The following ERCC2 variants were observed in gnomAD, a reference collection of about 807,000 sequenced individuals.
ERCC2 encodes general transcription and DNA repair factor IIH helicase subunit XPD.
Under a neutral mutation model 99.4 loss-of-function variants are expected in ERCC2, and 90 were observed. That is an observed-to-expected ratio of 0.91 (90% CI 0.76 to 1.08). The LOEUF is 1.08. Ranked by LOEUF, ERCC2 falls within the 50% of genes least tolerant of loss-of-function variation. The probability of loss-of-function intolerance (pLI) is 0.00; values close to 1 mark genes in which losing one functional copy is unlikely to be tolerated. For missense variants in ERCC2, 993 were observed against 1,038.1 expected, an observed-to-expected ratio of 0.96 and a Z score of 0.60; for synonymous variants, 497 against 432.4, an observed-to-expected ratio of 1.15 and a Z score of -1.85.
At position 45,370,134 on chromosome 19, in the gene ERCC2, T is replaced by A; in HGVS notation, c.104A>T (p.Lys35Met). ...GGGTCGGGCCCACCGGCCACCCACC[T>A]TGGCGTCCAGCGTGCGTTTGAGCTC... ...MRELKRTLDAKGHGVLEMPSG... is the reference protein window; with the variant it reads ...MRELKRTLDAMGHGVLEMPSG... Residue 35 changes from lysine (K) to methionine (M), a missense_variant and splice_region_variant, in exon 2 of 23, where the codon AAG becomes ATG. Lys to Met is a moderately conservative substitution (Grantham distance 95, BLOSUM62 -1). Around this residue, in one of 3 missense-constraint regions of ERCC2, gnomAD observed 55 missense variants for 45.1 expected, o/e 1.22. Transcript: ENST00000391945. 6.2e-7 allele frequency: 1 copy of A among 1,612,804 alleles called. No individual in the cohort carries two copies. Among genetic ancestry groups the A allele is most frequent in the Non-Finnish European group, 8.5e-7 (1 of 1,179,132 alleles).
At chr19:45,357,573 G>C (rs368521885) in intron 13 of ERCC2, 30 bp from the exon 14 acceptor site, 2 of 1,612,754 alleles carry the variant, frequency 1.2e-6, no homozygotes, top group Non-Finnish European at 1.7e-6. Flanking sequence ...GTGAGGGCCC[G>C]GGGGGCTGGG....
chr19:45,367,620 C>T (rs1007343990), intron 5 of ERCC2, among the ~76,000 whole-genome samples: 6 of 151,036 alleles, frequency 4.0e-5, no homozygotes, highest in Middle Eastern at 3.5e-3. Flanking sequence ...GGAGTTCGAG[C>T]AATTCTCCTG....
intron 4 of ERCC2, 26 bp from the exon 5 acceptor site, chr19:45,368,769 G>A (rs564942549): frequency 2.0e-5 from 32 of 1,586,414 alleles, no homozygotes; most frequent in Non-Finnish European, 2.8e-5. Context: ...GGGGCAGGGG[G>A]AGCTTGTGCT....
chr19:45,354,745 G>A lies in ERCC2; in HGVS notation c.1650C>T (p.Ala550=). 2 of 1,614,014 alleles carry A rather than the reference G, an allele frequency of 1.2e-6. No homozygotes were observed. The highest frequency in any genetic ancestry group is 1.7e-6 in the Non-Finnish European group (2 of 1,179,968). The change falls in exon 17 of 23, where the codon GCC becomes GCT. Residue 550 remains alanine (A), a synonymous_variant. Coordinates refer to ENST00000391945, the MANE Select transcript of ERCC2 (RefSeq NM_000400.4). ...TSYQYMESTV[A]SWYEQGILEN... is the part of the protein sequence containing the mutation. ...CCAGGCGTACCTGCTCATACCAGGA[G>A]GCCACGGTGCTCTCCATGTACTGGT...
chr19:45,352,367 G>T lies in ERCC2; in HGVS notation c.2047-15C>A. ...CGGGCAAACCGCTGTGGGCAGAAGC[G>T]CAGGCCAGGGACAGAAGGTCATTCG... is the stretch of plus-strand genomic sequence containing the variant. On this transcript the variant is annotated splice_polypyrimidine_tract_variant and intron_variant, in intron 21 of 22. Transcript: ENST00000391945. 6.2e-7 allele frequency: 1 copy of T among 1,613,780 alleles called. No individual in the cohort carries two copies. Among genetic ancestry groups the T allele is most frequent in the East Asian group, 2.2e-5 (1 of 44,878 alleles).
rs377634032 is a variant in ERCC2 at position 45,351,372 on chromosome 19, C to T, written c.*257G>A. On this transcript the variant is annotated 3_prime_UTR_variant, in exon 23 of 23. Transcript: ENST00000391945. ...GCCCCCACTAACGTCCAGTGAACTG[C>T]GCTGGCCGCAGCTTCTTGGGAACAG... The T allele has an allele frequency of 1.9e-5, 30 of 1,608,756 alleles. No homozygotes were observed. Among genetic ancestry groups the T allele is most frequent in the African/African-American group, 6.7e-5 (5 of 74,898 alleles).
At position 45,359,178 on chromosome 19, in the gene ERCC2, T is replaced by C. The variant is rs3916839; in HGVS notation, c.1238-1479A>G. On this transcript the variant is annotated intron_variant, in intron 12 of 22. Coordinates refer to ENST00000391945, the MANE Select transcript of ERCC2 (RefSeq NM_000400.4). ...GGCTTCCTGGAGGACAAGACATCTC[T>C]ACTAAGCTGAGAACCTAAGGATGAG... Among the ~76,000 whole-genome samples, 4,139 of 151,512 alleles carry C rather than the reference T, an allele frequency of 0.027. 66 individuals are homozygous for C. The highest frequency in any genetic ancestry group is 0.045 in the Non-Finnish European group (3,071 of 67,882).
chr19:45,352,473 G>A, intron 21 of ERCC2, 33 bp downstream of exon 21: 2 of 1,614,126 alleles, frequency 1.2e-6, no homozygotes, highest in East Asian at 2.2e-5. Flanking sequence ...TGGAGCCTGG[G>A]ATGGGAGCAC....
chr19:45,369,603 C>G (rs1363810779), intron 2 of ERCC2, among the ~76,000 whole-genome samples: 1 of 152,164 alleles, frequency 6.6e-6, no homozygotes, highest in African/African-American at 2.4e-5. Context: ...TAAAACCTTC[C>G]TCATAACATG....
chr19:45,361,851 CAG>C, intron 11 of ERCC2: 1 of 592,640 alleles, frequency 1.7e-6, no homozygotes, highest in Non-Finnish European at 3.2e-6. Context: ...ATGGCACAGA[CAG>C]AGCAATAATC....
intron 16 of ERCC2, 59 bp downstream of exon 16, chr19:45,355,606 C>T (rs2123241561): frequency 1.4e-6 from 2 of 1,432,464 alleles, no homozygotes; most frequent in Non-Finnish European, 9.9e-7. Context: ...ACTCAGCCCA[C>T]CTGACTGATA....
chr19:45,351,377 G>A lies in ERCC2; in HGVS notation c.*252C>T. 1 of 1,608,212 alleles carries A rather than the reference G, an allele frequency of 6.2e-7. No homozygotes were observed. Reference sequence around the variant, plus strand: ...CACTAACGTCCAGTGAACTGCGCTGGCCGCAGCTTCTTGGGAACAGTGCAG... The same window carrying A: ...CACTAACGTCCAGTGAACTGCGCTGACCGCAGCTTCTTGGGAACAGTGCAG... On this transcript the variant is annotated 3_prime_UTR_variant, in exon 23 of 23. Transcript: ENST00000391945.
At chr19:45,359,384 A>G (rs1972129742) in intron 12 of ERCC2, among the ~76,000 whole-genome samples, 2 of 152,178 alleles carry the variant, frequency 1.3e-5, no homozygotes, top group Admixed American at 1.3e-4. Flanking sequence ...GCCCCAGGGC[A>G]AGGGCCCAGA....
intron 17 of ERCC2, 29 bp from the exon 18 acceptor site, chr19:45,353,363 G>A (rs1459100467): frequency 6.5e-7 from 1 of 1,541,196 alleles, no homozygotes; most frequent in Non-Finnish European, 8.9e-7. Context: ...AGGTCAGGGT[G>A]GGTTCAGGGC....
At position 45,350,393 on chromosome 19, in the gene ERCC2, A is replaced by C; in HGVS notation, c.*1236T>G. On this transcript the variant is annotated 3_prime_UTR_variant, in exon 23 of 23. Coordinates refer to ENST00000391945, the MANE Select transcript of ERCC2 (RefSeq NM_000400.4). ...TATCAACAAGCGGAAGAGCTGTACAAAGAAATCCTCCACAAGGAGGACCTA... is the reference window on the plus strand; with the variant it reads ...TATCAACAAGCGGAAGAGCTGTACACAGAAATCCTCCACAAGGAGGACCTA... 6.2e-7 allele frequency: 1 copy of C among 1,613,916 alleles called. No homozygotes were observed. Among genetic ancestry groups the C allele is most frequent in the Non-Finnish European group, 8.5e-7 (1 of 1,179,972 alleles).
rs1380605362 is a variant in ERCC2 at position 45,352,276 on chromosome 19, A to C, written c.2123T>G (p.Leu708Arg). Residue 708 changes from leucine to arginine, a missense_variant, in exon 22 of 23, where the codon CTG (leucine) becomes CGG (arginine). Physicochemically the swap from Leu to Arg is moderately radical, Grantham distance 102. Transcript: ENST00000391945. ...QEHLTDANLN[L>R]TVDEGVQVAK... ...CACCTGGACACCCTCGTCCACGGTC[A>C]GGTTGAGGTTGGCATCTGTGAGGTG... 6.2e-7 allele frequency: 1 copy of C among 1,613,956 alleles called. No homozygotes were observed. Among genetic ancestry groups the C allele is most frequent in the African/African-American group, 1.3e-5 (1 of 74,920 alleles).
rs1799730 is a variant in ERCC2, at chr19:45,351,804, C to A, written c.2191-83G>T. On this transcript the variant is annotated intron_variant, in intron 22 of 22. Transcript: ENST00000391945. ...TGCTGCACTTCCCCAACCACCCCCC[C>A]GAATGGCCAGTAGGGACAGGATGTT... 12 of 1,203,448 alleles carry A rather than the reference C, an allele frequency of 1.0e-5. No homozygotes were observed. In the Admixed American group the frequency reaches 1.7e-4, roughly 17 times the overall value. 74.5% of individuals were successfully genotyped at this position (1,203,448 alleles called of 1,614,324 possible). A position where few individuals can be genotyped will look rare whatever the true frequency, so the allele number is the denominator to read the frequency against.
At position 45,364,787 on chromosome 19, in the gene ERCC2, C is replaced by CA. The variant is rs769230302; in HGVS notation, c.594+50dup. Reference sequence around the variant, plus strand: ...CATGGGCAGACAGGAGACGGGCGGGCAGCCCACACCCTCACACTCGCCCCT... The same window carrying CA: ...CATGGGCAGACAGGAGACGGGCGGGCAAGCCCACACCCTCACACTCGCCCCT... On this transcript the variant is annotated intron_variant, in intron 7 of 22. Coordinates refer to ENST00000391945, the MANE Select transcript of ERCC2 (RefSeq NM_000400.4). The CA allele has an allele frequency of 2.8e-6, 4 of 1,436,336 alleles. No homozygotes were observed. The East Asian group carries it at 9.1e-5, about 33-fold the overall frequency. 89.0% of individuals were successfully genotyped at this position (1,436,336 alleles called of 1,614,324 possible). A position where few individuals can be genotyped will look rare whatever the true frequency, so the allele number is the denominator to read the frequency against.
At position 45,352,827 on chromosome 19, in the gene ERCC2, G is replaced by A; in HGVS notation, c.1832-11C>T. 1.9e-6 allele frequency: 3 copies of A among 1,613,472 alleles called. No individual in the cohort carries two copies. The highest frequency in any genetic ancestry group is 1.1e-5 in the South Asian group (1 of 91,070). On this transcript the variant is annotated splice_polypyrimidine_tract_variant and intron_variant, in intron 19 of 22. Coordinates refer to ENST00000391945, the MANE Select transcript of ERCC2 (RefSeq NM_000400.4). The stretch of plus-strand genomic sequence containing the variant: ...GCCCGTAGTGGTGCACTGGTGGGCA[G>A]AGGAGAGGGGGCGAGGGGGGTTACA...
Sources: gnomAD v4.1 joint callset for allele counts (sites outside exome capture counted in the v4.1 genomes callset) on GRCh38, gnomAD v4.1.1 for gene constraint, gnomAD v4.1.1 regional missense constraint, MANE v1.5 for transcripts, NCBI Gene and HGNC (gene_info 2026-07-23, HGNC 2026-07-21) for gene names.